Variants in QSER1 observed in about 807,000 individuals in gnomAD.
QSER1 encodes glutamine and serine-rich protein 1.
QSER1 carries 49 observed loss-of-function variants against 158.5 expected under a neutral mutation model. That is an observed-to-expected ratio of 0.31 (90% CI 0.25 to 0.39). The LOEUF (loss-of-function observed/expected upper bound fraction) is 0.39. Among genes scored for constraint, QSER1 ranks in the 10% least tolerant of loss-of-function variants. QSER1 has a pLI of 1.00. For synonymous variants in QSER1, 650 were observed against 715.5 expected (o/e 0.91, Z 1.46); for missense variants, 1,754 against 2,010.3 (o/e 0.87, Z 2.44).
intron 10 of QSER1, among the ~76,000 whole-genome samples, chr11:32,971,941 T>C (rs528776095): frequency 2.6e-5 from 4 of 151,576 alleles, no homozygotes; most frequent in Admixed American, 2.6e-4. Context: ...CAGGCGCCTG[T>C]AGTCCCAGCT....
At chr11:32,966,233 A>T in intron 8 of QSER1, 67 bp from the exon 9 acceptor site, 1 of 1,534,662 alleles carries the variant, frequency 6.5e-7, no homozygotes, top group East Asian at 2.3e-5. Context: ...GGGTCTCGTT[A>T]TAGAGAAAAG....
chr11:32,926,956 T>A (rs1851980628), intron 1 of QSER1: 1 of 152,284 alleles, frequency 6.6e-6, no homozygotes, highest in Admixed American at 6.5e-5. Context: ...GAAAATACTG[T>A]GTATTATTTT....
chr11:32,898,314 C>G (rs567658932), intron 1 of QSER1, among the ~76,000 whole-genome samples: 30 of 152,204 alleles, frequency 2.0e-4, no homozygotes, highest in Admixed American at 1.4e-3. Context: ...AACCCTATCT[C>G]TACAAAAAAT....
intron 1 of QSER1, among the ~76,000 whole-genome samples, chr11:32,925,538 ATTTT>A (rs869289765): frequency 4.3e-5 from 6 of 140,884 alleles, no homozygotes; most frequent in African/African-American, 1.6e-4. Context: ...TTATTTATTT[ATTTT>A]TTGCAGACAG....
In QSER1 at chr11:32,934,311, A is replaced by C. The variant is rs751305575; in HGVS notation, c.3053A>C (p.His1018Pro). 13 of 1,613,838 alleles carry C rather than the reference A, an allele frequency of 8.1e-6. No homozygotes were observed. The highest frequency in any genetic ancestry group is 1.1e-5 in the Non-Finnish European group (13 of 1,179,952). ...QAVEDGDSKS[H>P]FQQSLDVRHV... ...GTTGAAGATGGTGATTCTAAATCTC[A>C]TTTTCAGCAGTCATTAGATGTCAGG... The change falls in exon 4 of 13, where the codon CAT becomes CCT. Residue 1018 changes from histidine to proline, a missense_variant. His to Pro is a moderately conservative substitution (Grantham distance 77). Around this residue, in one of 2 missense-constraint regions of QSER1, gnomAD observed 1,707 missense variants for 1,919.6 expected, o/e 0.89. Coordinates refer to ENST00000650167, the MANE Select transcript of QSER1 (RefSeq NM_001076786.3).
intron 1 of QSER1, among the ~76,000 whole-genome samples, chr11:32,923,751 C>T (rs1245989629): frequency 6.6e-6 from 1 of 151,884 alleles, no homozygotes; most frequent in African/African-American, 2.4e-5. Flanking sequence ...GGGTGGATCA[C>T]GAGATCAGAA....
In QSER1 at chr11:32,975,244, A is replaced by G. The variant is rs373744099; in HGVS notation, c.5359-4A>G. ...TGTATCTATAAACTTTTTTCTTTTT[A>G]TAGGAGTTTGCTGTCGATCCAGAGA... On this transcript the variant is annotated splice_region_variant and splice_polypyrimidine_tract_variant and intron_variant, in intron 11 of 12. Coordinates refer to ENST00000650167, the MANE Select transcript of QSER1 (RefSeq NM_001076786.3). 5 of 1,537,326 alleles carry G rather than the reference A, an allele frequency of 3.3e-6. No homozygotes were observed. The African/African-American group carries it at 5.6e-5, about 17-fold the overall frequency.
At position 32,979,772 on chromosome 11, in the gene QSER1, C is replaced by T. The variant is rs1853040306; in HGVS notation, c.*3298C>T. 6.6e-6 allele frequency: 1 copy of T among 152,140 alleles called. No individual in the cohort carries two copies. Among genetic ancestry groups the T allele is most frequent in the Non-Finnish European group, 1.5e-5 (1 of 68,022 alleles). The allele number at this position is 152,140 out of a possible 1,614,324, so 9.4% of individuals were successfully genotyped here. On this transcript the variant is annotated 3_prime_UTR_variant, in exon 13 of 13. Coordinates refer to ENST00000650167, the MANE Select transcript of QSER1 (RefSeq NM_001076786.3). ...TATTTTCTTTAAAGCAGCTATATCC[C>T]AACCCATGACTTTGGAGATATACCT...
chr11:32,954,735 G>C (rs1852483173), intron 5 of QSER1, among the ~76,000 whole-genome samples: 1 of 152,048 alleles, frequency 6.6e-6, no homozygotes, highest in Admixed American at 6.5e-5. Flanking sequence ...GACCAGGCTG[G>C]TCTCAAACTC....
At chr11:32,902,447 T>G (rs949132359) in intron 1 of QSER1, among the ~76,000 whole-genome samples, 5 of 152,172 alleles carry the variant, frequency 3.3e-5, no homozygotes, top group African/African-American at 1.2e-4. Flanking sequence ...AGTGAGGAGA[T>G]TTTGAGAACC....
At position 32,976,823 on chromosome 11, in the gene QSER1, C is replaced by A. The variant is rs963869644; in HGVS notation, c.*349C>A. 20 of 199,856 alleles carry A rather than the reference C, an allele frequency of 1.0e-4. No homozygotes were observed. Among genetic ancestry groups the A allele is most frequent in the African/African-American group, 3.6e-4 (15 of 41,710 alleles). The allele number at this position is 199,856 out of a possible 1,614,324, so 12.4% of individuals were successfully genotyped here. A position where few individuals can be genotyped will look rare whatever the true frequency, so the allele number is the denominator to read the frequency against. The stretch of plus-strand genomic sequence containing the variant: ...GCTAGAGAAGTAACACTTAAAGTAA[C>A]GATTTTTTTTTTCTGACTCCGGCTA... On this transcript the variant is annotated 3_prime_UTR_variant, in exon 13 of 13. Transcript: ENST00000650167.
At position 32,934,131 on chromosome 11, in the gene QSER1, C is replaced by G; in HGVS notation, c.2873C>G (p.Ser958Cys). Reference sequence around the variant, plus strand: ...CATGATTCAAAGAATCAGTTTGTTTCTCTTGGATCGATGTGTTTCCCAGAG... The same window carrying G: ...CATGATTCAAAGAATCAGTTTGTTTGTCTTGGATCGATGTGTTTCCCAGAG... Reference protein sequence around the residue: ...NQHDSKNQFVSLGSMCFPEAV... With the variant: ...NQHDSKNQFVCLGSMCFPEAV... Residue 958 changes from serine (S) to cysteine (C), a missense_variant, in exon 4 of 13, where the codon TCT becomes TGT. By Grantham distance (112) the Ser-to-Cys change is moderately radical. Coordinates refer to ENST00000650167, the MANE Select transcript of QSER1 (RefSeq NM_001076786.3). 6.2e-7 allele frequency: 1 copy of G among 1,613,992 alleles called. No homozygotes were observed. The highest frequency in any genetic ancestry group is 8.5e-7 in the Non-Finnish European group (1 of 1,179,974).
intron 1 of QSER1, among the ~76,000 whole-genome samples, chr11:32,897,120 A>G (rs1371136782): frequency 6.6e-6 from 1 of 152,208 alleles, no homozygotes; most frequent in African/African-American, 2.4e-5. Flanking sequence ...ATTTATCATG[A>G]ATAAATGAAT....
At chr11:32,945,643 G>A (rs1331599320) in intron 4 of QSER1, among the ~76,000 whole-genome samples, 1 of 151,188 alleles carries the variant, frequency 6.6e-6, no homozygotes, top group Non-Finnish European at 1.5e-5. Context: ...AGGGTAACCC[G>A]ACCTTTCTCT....
Position 32,927,942 on chromosome 11 carries a change from T to A in QSER1, c.323-20T>A. On this transcript the variant is annotated intron_variant, in intron 2 of 12. Coordinates refer to ENST00000650167, the MANE Select transcript of QSER1 (RefSeq NM_001076786.3). ...ATTTTTTTTTTTTTACTTTGGGATA[T>A]ATTTTATCTTCAAATTTAGGTCTTT... The A allele has an allele frequency of 1.6e-6, 1 of 621,732 alleles. No individual in the cohort carries two copies. 38.5% of individuals were successfully genotyped at this position (621,732 alleles called of 1,614,324 possible). A position where few individuals can be genotyped will look rare whatever the true frequency, so the allele number is the denominator to read the frequency against.
At chr11:32,954,202 T>C in intron 5 of QSER1, 23 bp downstream of exon 5, 2 of 1,597,550 alleles carry the variant, frequency 1.3e-6, no homozygotes, top group Non-Finnish European at 8.5e-7. Flanking sequence ...TTCACCAGTG[T>C]AAAGGTCATA....
chr11:32,952,948 G>A (rs369676137), intron 4 of QSER1, among the ~76,000 whole-genome samples: 3 of 151,602 alleles, frequency 2.0e-5, no homozygotes, highest in Non-Finnish European at 4.4e-5. Context: ...GATTAAAGGC[G>A]CGCACCACCA....
intron 7 of QSER1, among the ~76,000 whole-genome samples, chr11:32,957,082 G>A (rs968498157): frequency 6.6e-5 from 10 of 150,412 alleles, no homozygotes; most frequent in Non-Finnish European, 1.2e-4. Context: ...AGCAAATCTC[G>A]AGGGACTCTA....
intron 3 of QSER1, among the ~76,000 whole-genome samples, chr11:32,929,658 T>C (rs1852019656): frequency 6.6e-6 from 1 of 152,024 alleles, no homozygotes; most frequent in Non-Finnish European, 1.5e-5. Flanking sequence ...AAATACACCA[T>C]TAGTTGGAAG....
Sources: allele counts gnomAD v4.1 joint callset (sites outside exome capture counted in the v4.1 genomes callset), GRCh38; gene constraint gnomAD v4.1.1; regional missense constraint gnomAD v4.1.1; transcripts MANE v1.5; gene names NCBI Gene and HGNC (gene_info 2026-07-23, HGNC 2026-07-21).